The following FGF13 variants were observed in gnomAD, a reference collection of about 807,000 sequenced individuals.
FGF13 encodes fibroblast growth factor 13.
In FGF13, 2 loss-of-function variants were observed where a neutral mutation model predicts 19.5. The ratio of observed to expected loss-of-function variants is 0.10; its 90% CI spans 0.04 to 0.32. The LOEUF (loss-of-function observed/expected upper bound fraction) is 0.32. Among genes scored for constraint, FGF13 ranks in the 10% least tolerant of loss-of-function variants. The pLI is 1.00. For synonymous variants in FGF13, 72 were observed against 76.9 expected, an observed-to-expected ratio of 0.94 and a Z score of 0.33; for missense variants, 113 against 192.7, an observed-to-expected ratio of 0.59 and a Z score of 2.45.
intron 3 of FGF13, among the ~76,000 whole-genome samples, chrX:138,779,633 A>G (rs1235804203): frequency 9.0e-6 from 1 of 111,211 alleles, no homozygotes; most frequent in Non-Finnish European, 1.9e-5. Context: ...AAAAAGAAAC[A>G]AACAAAGCCT....
At chrX:139,158,211 A>ATTTT (rs34372473) in intron 1 of FGF13, among the ~76,000 whole-genome samples, 10,028 of 101,837 alleles carry the variant, frequency 0.098, 869 homozygotes, top group African/African-American at 0.27. Flanking sequence ...TAGCTGCAGC[A>ATTTT]TTTTTTTTTT....
chrX:138,785,088 G>A (rs1264446899), intron 3 of FGF13, among the ~76,000 whole-genome samples: 1 of 111,655 alleles, frequency 9.0e-6, no homozygotes, highest in East Asian at 2.8e-4. Context: ...AAACCTACAT[G>A]TACATCCAAC....
At chrX:138,935,584 A>C (rs757737320) in intron 1 of FGF13, among the ~76,000 whole-genome samples, 10 of 112,130 alleles carry the variant, frequency 8.9e-5, no homozygotes, top group African/African-American at 3.2e-4. Flanking sequence ...TGAGAGGTGA[A>C]AAATAGAGCA....
rs764059506 is a variant in FGF13, at chrX:138,657,846, T to C, written c.403-22191A>G. ...ATGTCAGAAATCACAATCTGAAATA[T>C]GTCATTGATGTAGATCTTTGATAAT... On this transcript the variant is annotated intron_variant, in intron 3 of 4. Transcript: ENST00000315930. Among the ~76,000 whole-genome samples, 18 of 112,387 alleles carry C rather than the reference T, an allele frequency of 1.6e-4. No individual in the cohort carries two copies. In the South Asian group the frequency reaches 6.3e-3, roughly 39 times the overall value.
At chrX:138,738,566 C>T (rs1179808164) in intron 1 of FGF13, among the ~76,000 whole-genome samples, 2 of 111,850 alleles carry the variant, frequency 1.8e-5, no homozygotes, top group South Asian at 3.8e-4. Context: ...GCTTGTTTTT[C>T]TCCGTGAGCT....
chrX:138,646,619 C>T (rs2089309679), intron 3 of FGF13, among the ~76,000 whole-genome samples: 1 of 111,935 alleles, frequency 8.9e-6, no homozygotes, highest in African/African-American at 3.2e-5. Flanking sequence ...GTTCACTCTT[C>T]TACTGCAAAA....
At chrX:138,934,566 G>A (rs1200836705) in intron 1 of FGF13, among the ~76,000 whole-genome samples, 1 of 112,706 alleles carries the variant, frequency 8.9e-6, no homozygotes, top group African/African-American at 3.2e-5. Flanking sequence ...TCAAATGTGT[G>A]CTGCTCATGG....
chrX:138,624,013 C>A lies in FGF13; in HGVS notation c.*8837G>T, dbSNP rs923406766. ...ATTTTGCAAAAATGTTGATACTAAC[C>A]AAAGTGATCTACAGAGTCAATGCAA... On this transcript the variant is annotated 3_prime_UTR_variant, in exon 5 of 5. Transcript: ENST00000315930. 1 of 111,072 alleles carries A rather than the reference C, an allele frequency of 9.0e-6. No individual in the cohort carries two copies. The highest frequency in any genetic ancestry group is 1.9e-5 in the Non-Finnish European group (1 of 52,942). The allele number at this position is 111,072 out of a possible 1,213,427, so 9.2% of individuals were successfully genotyped here.
chrX:138,828,564 C>T (rs1343596729), intron 3 of FGF13, among the ~76,000 whole-genome samples: 1 of 94,455 alleles, frequency 1.1e-5, no homozygotes, highest in Non-Finnish European at 2.1e-5. Flanking sequence ...AGCGAGACTC[C>T]GTCTCAAAAA....
chrX:138,905,460 T>A (rs2091552647), intron 1 of FGF13, among the ~76,000 whole-genome samples: 1 of 111,526 alleles, frequency 9.0e-6, no homozygotes, highest in Non-Finnish European at 1.9e-5. Flanking sequence ...CTAAGCCACG[T>A]GGTTGACAGT....
At chrX:138,830,457 C>T (rs985113839) in intron 3 of FGF13, among the ~76,000 whole-genome samples, 1 of 111,641 alleles carries the variant, frequency 9.0e-6, no homozygotes, top group Non-Finnish European at 1.9e-5. Flanking sequence ...GGATTGTGCA[C>T]GTGTCCTAGA....
At chrX:138,885,324 C>G (rs2091446323) in intron 1 of FGF13, among the ~76,000 whole-genome samples, 1 of 111,590 alleles carries the variant, frequency 9.0e-6, no homozygotes, top group South Asian at 3.8e-4. Flanking sequence ...TTGAGCCAGT[C>G]ATTGGCTGTG....
chrX:138,934,458 A>C (rs1264650031), intron 1 of FGF13, among the ~76,000 whole-genome samples: 2 of 112,430 alleles, frequency 1.8e-5, no homozygotes, highest in Non-Finnish European at 3.8e-5. Context: ...CATGCTAAAA[A>C]CTGCTTTTCA....
intron 1 of FGF13, among the ~76,000 whole-genome samples, chrX:138,720,658 A>G (rs1207237210): frequency 9.0e-6 from 1 of 111,330 alleles, no homozygotes; most frequent in East Asian, 2.8e-4. Context: ...CTCCGTGGGC[A>G]GGAGGGCAGG....
intron 1 of FGF13, among the ~76,000 whole-genome samples, chrX:138,723,361 C>A (rs1037468430): frequency 8.9e-6 from 1 of 111,926 alleles, no homozygotes; most frequent in Non-Finnish European, 1.9e-5. Flanking sequence ...TATTTATGGT[C>A]ATTGCAGTAA....
chrX:139,192,302 A>G lies in FGF13; in HGVS notation c.-113+11114T>C, dbSNP rs760730176. ...TTTGAGAATCTGTTCAAAGCAATGG[A>G]GCCTGCTCACCAGAAAAATTGACAT... On this transcript the variant is annotated intron_variant, in intron 1 of 2. Coordinates refer to the FGF13 transcript ENST00000421460. Among the ~76,000 whole-genome samples, 11 of 111,542 alleles carry G rather than the reference A, an allele frequency of 9.9e-5. 1 individual carries two copies. The South Asian group carries it at 4.2e-3, about 43-fold the overall frequency.
At chrX:138,772,018 G>GTA (rs56411673) in intron 3 of FGF13, among the ~76,000 whole-genome samples, 4,403 of 56,015 alleles carry the variant, frequency 0.079, 239 homozygotes, top group Non-Finnish European at 0.11. Context: ...ATACATATGT[G>GTA]TATATATATA....
chrX:138,868,049 T>C (rs1042618596), intron 1 of FGF13, among the ~76,000 whole-genome samples: 9 of 111,538 alleles, frequency 8.1e-5, no homozygotes, highest in Non-Finnish European at 1.5e-4. Flanking sequence ...GATTATCAAA[T>C]TGACTAATAG....
At chrX:138,846,185 TTGTGTGTG>T (rs200911113) in intron 3 of FGF13, among the ~76,000 whole-genome samples, 11 of 96,618 alleles carry the variant, frequency 1.1e-4, no homozygotes, top group African/African-American at 1.9e-4. Context: ...ATGTGTCCAT[TTGTGTGTG>T]TGTGTGTGTG....
Sources: gnomAD v4.1 joint callset for allele counts (sites outside exome capture counted in the v4.1 genomes callset) on GRCh38, gnomAD v4.1.1 for gene constraint, MANE v1.5 for transcripts, NCBI Gene and HGNC (gene_info 2026-07-23, HGNC 2026-07-21) for gene names.